Variants in GRID2 observed in about 807,000 individuals in gnomAD.
GRID2 encodes glutamate receptor ionotropic, delta-2.
A neutral mutation model predicts 114.8 loss-of-function variants in GRID2; 33 were observed. That is an observed-to-expected ratio of 0.29 (90% CI 0.22 to 0.38). GRID2 has a LOEUF of 0.38. GRID2 is among the 10% of genes least tolerant of loss of function. The pLI is 1.00. For missense variants in GRID2, 1,184 were observed against 1,257.7 expected, an observed-to-expected ratio of 0.94 and a Z score of 0.89; for synonymous variants, 505 against 449.9, an observed-to-expected ratio of 1.12 and a Z score of -1.55.
intron 2 of GRID2, among the ~76,000 whole-genome samples, chr4:92,731,467 A>G (rs1367200607): frequency 6.6e-6 from 1 of 152,004 alleles, no homozygotes; most frequent in East Asian, 1.9e-4. Context: ...AATACAGTGT[A>G]TTCAGAAGAA....
At chr4:93,740,926 G>C (rs1217086221) in intron 14 of GRID2, among the ~76,000 whole-genome samples, 1 of 147,332 alleles carries the variant, frequency 6.8e-6, no homozygotes, top group Non-Finnish European at 1.5e-5. Context: ...TTCCTCTTCT[G>C]TCCTACTTAC....
intron 4 of GRID2, among the ~76,000 whole-genome samples, chr4:93,190,619 A>G (rs1003850496): frequency 6.6e-6 from 1 of 152,164 alleles, no homozygotes; most frequent in Non-Finnish European, 1.5e-5. Flanking sequence ...TAAGTTTCTT[A>G]GTCATATTCA....
At chr4:93,076,582 G>A (rs72885778) in intron 2 of GRID2, among the ~76,000 whole-genome samples, 8,234 of 147,278 alleles carry the variant, frequency 0.056, 393 homozygotes, top group East Asian at 0.14. Flanking sequence ...TAACTGAGCC[G>A]CAGACCTTCT....
intron 1 of GRID2, among the ~76,000 whole-genome samples, chr4:92,547,723 A>G (rs1168107733): frequency 6.6e-6 from 1 of 152,048 alleles, no homozygotes; most frequent in Non-Finnish European, 1.5e-5. Context: ...TGCACACACA[A>G]CTTGCAGCTT....
intron 1 of GRID2, among the ~76,000 whole-genome samples, chr4:93,790,113 C>A (rs1247087688): frequency 6.7e-5 from 10 of 150,160 alleles, no homozygotes; most frequent in African/African-American, 2.5e-4. Context: ...TCACCCCCAC[C>A]CCACCCCTAC....
At chr4:93,378,337 G>A (rs1006481381) in intron 8 of GRID2, among the ~76,000 whole-genome samples, 1 of 151,962 alleles carries the variant, frequency 6.6e-6, no homozygotes, top group African/African-American at 2.4e-5. Flanking sequence ...TACACAGAAA[G>A]GTCTATTATA....
chr4:92,599,840 C>T (rs2149218191), intron 2 of GRID2, among the ~76,000 whole-genome samples: 1 of 151,740 alleles, frequency 6.6e-6, no homozygotes, highest in African/African-American at 2.4e-5. Flanking sequence ...TTCTAGCCAA[C>T]ACGGTGAAAC....
intron 2 of GRID2, among the ~76,000 whole-genome samples, chr4:93,023,145 G>C (rs1049987336): frequency 4.0e-5 from 6 of 151,268 alleles, no homozygotes; most frequent in African/African-American, 1.5e-4. Flanking sequence ...GTGTGTGTGT[G>C]TGTGTCTGTA....
At chr4:92,735,787 G>A (rs754696454) in intron 2 of GRID2, among the ~76,000 whole-genome samples, 11 of 151,832 alleles carry the variant, frequency 7.2e-5, no homozygotes, top group South Asian at 4.2e-4. Flanking sequence ...TGGATTGAAT[G>A]TCTGTTCCTT....
At chr4:92,563,841 C>T (rs1315742554) in intron 1 of GRID2, among the ~76,000 whole-genome samples, 1 of 152,004 alleles carries the variant, frequency 6.6e-6, no homozygotes, top group Non-Finnish European at 1.5e-5. Flanking sequence ...TCTCATGGAC[C>T]CTAGTGTTCA....
chr4:92,895,504 T>C (rs1191209952), intron 2 of GRID2, among the ~76,000 whole-genome samples: 1 of 151,258 alleles, frequency 6.6e-6, no homozygotes, highest in Non-Finnish European at 1.5e-5. Context: ...AGGCTCTATC[T>C]GATGTAGGAA....
At chr4:93,066,400 A>C (rs192387154) in intron 2 of GRID2, among the ~76,000 whole-genome samples, 2 of 152,094 alleles carry the variant, frequency 1.3e-5, no homozygotes, top group Admixed American at 1.3e-4. Context: ...TGGACAAATT[A>C]ATATTCAATC....
At chr4:93,140,160 CTTTT>C (rs10684978) in intron 4 of GRID2, among the ~76,000 whole-genome samples, 1 of 128,264 alleles carries the variant, frequency 7.8e-6, no homozygotes. Flanking sequence ...CTTTTCTTTT[CTTTT>C]TTTTTTTTTT....
chr4:92,477,239 T>C (rs1722365754), intron 1 of GRID2, among the ~76,000 whole-genome samples: 1 of 152,138 alleles, frequency 6.6e-6, no homozygotes, highest in African/African-American at 2.4e-5. Context: ...GGTTTGCTAA[T>C]GCAGCACTTA....
chr4:93,492,091 T>C (rs1247141953), intron 12 of GRID2, among the ~76,000 whole-genome samples: 1 of 151,866 alleles, frequency 6.6e-6, no homozygotes, highest in East Asian at 1.9e-4. Flanking sequence ...GTGAAACTTA[T>C]ACCATTGATG....
Position 92,557,645 on chromosome 4 carries a change from T to TTATA in GRID2, c.89-32473_89-32470dup, listed in dbSNP as rs138046427. On this transcript the variant is annotated intron_variant, in intron 1 of 15. Coordinates refer to ENST00000282020, the MANE Select transcript of GRID2 (RefSeq NM_001510.4). ...TACTTCACTGCATATATATATATGG[T>TTATA]TATATATATATATATAACCAAACTG... Among the ~76,000 whole-genome samples, 1,125 of 142,676 alleles carry TTATA rather than the reference T, an allele frequency of 7.9e-3. 16 individuals carry two copies. Among genetic ancestry groups the TTATA allele is most frequent in the African/African-American group, 0.026 (973 of 37,598 alleles). 93.6% of individuals were successfully genotyped at this position (142,676 alleles called of 152,430 possible).
At chr4:92,384,601 AATATATAATATATGTTATATATT>A (rs1729828390) in intron 1 of GRID2, among the ~76,000 whole-genome samples, 2 of 51,754 alleles carry the variant, frequency 3.9e-5, no homozygotes, top group African/African-American at 6.8e-5. Flanking sequence ...TATATAACAT[AATATATAATATATGTTATATATT>A]ATATATAATA....
At chr4:93,697,869 G>GTGTATATATATATATATA (rs1553986412) in intron 14 of GRID2, among the ~76,000 whole-genome samples, 2 of 122,702 alleles carry the variant, frequency 1.6e-5, no homozygotes, top group Non-Finnish European at 3.4e-5. Flanking sequence ...CACAATGTGT[G>GTGTATATATATATATATA]TATATATATA....
chr4:93,323,149 A>G (rs770326919), intron 8 of GRID2, among the ~76,000 whole-genome samples: 6 of 152,110 alleles, frequency 3.9e-5, no homozygotes, highest in African/African-American at 4.8e-5. Flanking sequence ...GGTATTGCCT[A>G]GGTTTTCTTC....
Sources: gnomAD v4.1 joint callset for allele counts (sites outside exome capture counted in the v4.1 genomes callset) on GRCh38, gnomAD v4.1.1 for gene constraint, MANE v1.5 for transcripts, NCBI Gene and HGNC (gene_info 2026-07-23, HGNC 2026-07-21) for gene names.